The following TRAPPC3L variants were observed in gnomAD, a reference collection of about 807,000 sequenced individuals.
TRAPPC3L encodes trafficking protein particle complex subunit 3L, also known as trafficking protein particle complex subunit 3-like protein.
In TRAPPC3L, 23 loss-of-function variants were observed where a neutral mutation model predicts 23.7. That is an observed-to-expected ratio of 0.97 (90% CI 0.70 to 1.37). The LOEUF is 1.37. Ranked by LOEUF, TRAPPC3L falls within the 40% of genes most tolerant of loss-of-function variation. The pLI is 0.00. For missense variants in TRAPPC3L, 212 were observed against 216.8 expected (o/e 0.98, Z 0.14); for synonymous variants, 81 against 77.9 (o/e 1.04, Z -0.21).
In TRAPPC3L at chr6:116,512,239, A is replaced by G. The variant is rs1235275021; in HGVS notation, c.241-11573T>C. 5 of 1,585,938 alleles carry G rather than the reference A, an allele frequency of 3.2e-6. No individual in the cohort carries two copies. In the South Asian group the frequency reaches 5.5e-5, roughly 18 times the overall value. ...TCTCCCTTCAGGCCCAGTCTCAGGT[A>G]AGAAAAGACAAACTCGCCTTTTTCT... is the stretch of plus-strand genomic sequence containing the variant. On this transcript the variant is annotated intron_variant, in intron 3 of 4. Transcript: ENST00000368602.
intron 2 of TRAPPC3L, 145 bp downstream of exon 2, chr6:116,543,157 GA>G: frequency 1.8e-6 from 1 of 554,362 alleles, no homozygotes; most frequent in Non-Finnish European, 3.0e-6. Context: ...GCACTTGTAA[GA>G]AATTATGTTC....
intron 3 of TRAPPC3L, among the ~76,000 whole-genome samples, chr6:116,539,888 C>T (rs1192358605): frequency 6.6e-6 from 1 of 152,174 alleles, no homozygotes; most frequent in Non-Finnish European, 1.5e-5. Flanking sequence ...TTGTCTCCTA[C>T]ATATCAGGGC....
intron 4 of TRAPPC3L, among the ~76,000 whole-genome samples, chr6:116,497,992 G>A (rs779053683): frequency 3.3e-5 from 5 of 152,214 alleles, no homozygotes; most frequent in South Asian, 2.1e-4. Flanking sequence ...TACTGGGCCC[G>A]GCCTTGCAAT....
intron 4 of TRAPPC3L, among the ~76,000 whole-genome samples, chr6:116,499,904 C>T (rs1771887260): frequency 6.6e-6 from 1 of 152,186 alleles, no homozygotes; most frequent in Admixed American, 6.5e-5. Context: ...TACTCAGTGC[C>T]TGACACTTAG....
chr6:116,517,422 C>G (rs1772249992), intron 3 of TRAPPC3L: 1 of 152,068 alleles, frequency 6.6e-6, no homozygotes, highest in South Asian at 2.1e-4. Flanking sequence ...TACATAAATT[C>G]TCCTTAAATC....
chr6:116,513,102 AG>A (rs372360192), intron 3 of TRAPPC3L, among the ~76,000 whole-genome samples: 291 of 152,322 alleles, frequency 1.9e-3, no homozygotes, highest in African/African-American at 6.7e-3. Context: ...ACAAGTGGTA[AG>A]AGTTGATAAG....
At chr6:116,498,580 G>A (rs1771866700) in intron 4 of TRAPPC3L, among the ~76,000 whole-genome samples, 1 of 152,188 alleles carries the variant, frequency 6.6e-6, no homozygotes, top group Non-Finnish European at 1.5e-5. Context: ...TTTGTTGACT[G>A]TTACCTCTTC....
chr6:116,534,665 C>T (rs1772960890), intron 3 of TRAPPC3L, among the ~76,000 whole-genome samples: 1 of 152,242 alleles, frequency 6.6e-6, no homozygotes, highest in East Asian at 1.9e-4. Context: ...GATTTACTTC[C>T]CTGCTTTAGG....
chr6:116,516,907 C>T lies in TRAPPC3L; in HGVS notation c.241-16241G>A, dbSNP rs377561992. ...GGTATGTCTTAGTGCGTTTGGGCTA[C>T]TATAACAAAATATCATAGATAGGTG... On this transcript the variant is annotated intron_variant, in intron 3 of 4. Coordinates refer to ENST00000368602, the MANE Select transcript of TRAPPC3L (RefSeq NM_001139444.3). 2.0e-5 allele frequency: 3 copies of T among 151,922 alleles called. No individual in the cohort carries two copies. In the South Asian group the frequency reaches 6.2e-4, roughly 32 times the overall value. 9.4% of individuals were successfully genotyped at this position (151,922 alleles called of 1,614,324 possible).
At chr6:116,512,383 C>T in intron 3 of TRAPPC3L, 2 of 933,082 alleles carry the variant, frequency 2.1e-6, no homozygotes, top group Admixed American at 2.9e-5. Context: ...GAGACTATCT[C>T]AGGAAAAGCT....
intron 3 of TRAPPC3L, chr6:116,511,853 G>C (rs1314423807): frequency 1.9e-6 from 3 of 1,614,060 alleles, no homozygotes; most frequent in Admixed American, 3.3e-5. Context: ...CTATGGGCTG[G>C]TTTTCCTCTT....
At chr6:116,510,031 T>C (rs1040740260) in intron 3 of TRAPPC3L, among the ~76,000 whole-genome samples, 1 of 152,064 alleles carries the variant, frequency 6.6e-6, no homozygotes, top group Admixed American at 6.6e-5. Context: ...TCAATAGACA[T>C]TTCTCAAAAG....
At chr6:116,543,254 G>C (rs778824562) in intron 2 of TRAPPC3L, 49 bp downstream of exon 2, 2 of 1,370,674 alleles carry the variant, frequency 1.5e-6, no homozygotes, top group Admixed American at 4.2e-5. Flanking sequence ...GAATGCAGGT[G>C]ATGTAAGAAA....
chr6:116,502,563 C>A (rs558517533), intron 3 of TRAPPC3L, among the ~76,000 whole-genome samples: 1 of 152,056 alleles, frequency 6.6e-6, no homozygotes, highest in Non-Finnish European at 1.5e-5. Context: ...AACCCCAAGA[C>A]ACATAATTGT....
chr6:116,507,839 A>T (rs1448031590), intron 3 of TRAPPC3L, among the ~76,000 whole-genome samples: 1 of 152,244 alleles, frequency 6.6e-6, no homozygotes, highest in East Asian at 1.9e-4. Context: ...AGAATTTTAC[A>T]ATGTGGAAAT....
intron 3 of TRAPPC3L, among the ~76,000 whole-genome samples, chr6:116,500,889 G>A (rs531701903): frequency 1.3e-5 from 2 of 152,280 alleles, no homozygotes; most frequent in East Asian, 3.9e-4. Context: ...TGTCAAATAG[G>A]AACAGCTCTA....
At chr6:116,511,506 CA>C (rs1288062464) in intron 3 of TRAPPC3L, 1 of 576,330 alleles carries the variant, frequency 1.7e-6, no homozygotes, top group African/African-American at 1.9e-5. Flanking sequence ...CAATTTCCAC[CA>C]GTAGGAGGCA....
intron 3 of TRAPPC3L, chr6:116,516,010 C>T (rs1054255608): frequency 1.3e-6 from 2 of 1,564,700 alleles, no homozygotes; most frequent in Non-Finnish European, 1.7e-6. Context: ...ATCAATGACT[C>T]ATGGTGTTGA....
At chr6:116,515,534 A>G (rs548260108) in intron 3 of TRAPPC3L, 4 of 1,499,112 alleles carry the variant, frequency 2.7e-6, no homozygotes, top group Admixed American at 2.2e-5. Flanking sequence ...ACACTTCTCA[A>G]TAATACCCCA....
Sources: gnomAD v4.1 joint callset for allele counts (sites outside exome capture counted in the v4.1 genomes callset) on GRCh38, gnomAD v4.1.1 for gene constraint, MANE v1.5 for transcripts, NCBI Gene and HGNC (gene_info 2026-07-23, HGNC 2026-07-21) for gene names.